LRRC20: variants seen among roughly 807,000 people sequenced by gnomAD.
LRRC20 encodes leucine-rich repeat-containing protein 20.
A neutral mutation model predicts 14.4 loss-of-function variants in LRRC20; 11 were observed. The ratio of observed to expected loss-of-function variants is 0.77; its 90% confidence interval spans 0.48 to 1.27. LRRC20 has a LOEUF of 1.27. Ranked by LOEUF, LRRC20 falls within the 50% of genes most tolerant of loss-of-function variation. The pLI, the probability that LRRC20 is intolerant of heterozygous loss-of-function variation, is 0.00. For synonymous variants in LRRC20, 121 were observed against 107.3 expected (o/e 1.13, Z -0.79); for missense variants, 219 against 251.2 (o/e 0.87, Z 0.87).
rs11314061 is a variant in LRRC20, at chr10:70,311,222, A to ATTTTTTTTTTTTTTTT, written c.401-9730_401-9715dup. 5.2e-4 allele frequency among the ~76,000 whole-genome samples: 45 copies of ATTTTTTTTTTTTTTTT among 86,342 alleles called. 5 individuals are homozygous for ATTTTTTTTTTTTTTTT. The highest frequency in any genetic ancestry group is 3.2e-3 in the East Asian group (8 of 2,506). 56.6% of individuals were successfully genotyped at this position (86,342 alleles called of 152,430 possible). On this transcript the variant is annotated intron_variant, in intron 4 of 4. Coordinates refer to ENST00000446961, the MANE Select transcript of LRRC20 (RefSeq NM_001278212.2). ...ACATCCAGGTTGTTTTCAACATTCC[A>ATTTTTTTTTTTTTTTT]TTTTTTTTTTTTTTTTTTTTTTTTG...
intron 2 of LRRC20, among the ~76,000 whole-genome samples, chr10:70,359,244 A>T (rs1467969223): frequency 1.3e-5 from 2 of 151,914 alleles, no homozygotes; most frequent in Non-Finnish European, 2.9e-5. Flanking sequence ...TTTCCATTAC[A>T]TCACTCTCCC....
chr10:70,366,292 A>G (rs1459878501), intron 2 of LRRC20, among the ~76,000 whole-genome samples: 2 of 151,518 alleles, frequency 1.3e-5, no homozygotes, highest in South Asian at 4.2e-4. Context: ...GCATGGTGGC[A>G]GGCGCCTGTA....
At chr10:70,321,059 G>A (rs1021661362) in intron 4 of LRRC20, among the ~76,000 whole-genome samples, 5 of 152,140 alleles carry the variant, frequency 3.3e-5, no homozygotes, top group Non-Finnish European at 7.4e-5. Context: ...TGATTCACTT[G>A]GGTCTTGTTT....
At chr10:70,323,174 C>A (rs888768333) in intron 4 of LRRC20, among the ~76,000 whole-genome samples, 2 of 152,008 alleles carry the variant, frequency 1.3e-5, no homozygotes, top group African/African-American at 4.8e-5. Flanking sequence ...CACAGAGACC[C>A]CACCCAGTGC....
intron 4 of LRRC20, among the ~76,000 whole-genome samples, chr10:70,313,313 G>A (rs1402832672): frequency 6.6e-6 from 1 of 152,172 alleles, no homozygotes; most frequent in Non-Finnish European, 1.5e-5. Flanking sequence ...TTTGGTTAAG[G>A]TGCTCTGGGA....
intron 4 of LRRC20, among the ~76,000 whole-genome samples, chr10:70,323,012 C>T (rs1485553245): frequency 1.3e-5 from 2 of 151,888 alleles, no homozygotes. Context: ...GGCATAATGG[C>T]TATAAAAGGG....
At chr10:70,315,498 G>A (rs1451039652) in intron 4 of LRRC20, among the ~76,000 whole-genome samples, 1 of 152,212 alleles carries the variant, frequency 6.6e-6, no homozygotes, top group Non-Finnish European at 1.5e-5. Context: ...TGTTCCTGTA[G>A]ATAGGATTTC....
intron 3 of LRRC20, among the ~76,000 whole-genome samples, chr10:70,328,899 C>A (rs1245975391): frequency 4.6e-5 from 7 of 152,204 alleles, no homozygotes; most frequent in African/African-American, 1.2e-4. Flanking sequence ...GCCTGGGCAA[C>A]AGAGTGAGAG....
Position 70,366,383 on chromosome 10 carries a change from A to T in LRRC20, c.82+10069T>A, listed in dbSNP as rs1470013711. 3.3e-5 allele frequency among the ~76,000 whole-genome samples: 5 copies of T among 152,132 alleles called. No individual in the cohort carries two copies. In the East Asian group the frequency reaches 9.6e-4, roughly 29 times the overall value. ...GGTTTCAGTGAGCTGAGATTGTGCCACTGTACTCCAGCCTGGGTGACAAGA... is the reference window on the plus strand; with the variant it reads ...GGTTTCAGTGAGCTGAGATTGTGCCTCTGTACTCCAGCCTGGGTGACAAGA... On this transcript the variant is annotated intron_variant, in intron 2 of 4. Transcript: ENST00000446961.
chr10:70,328,816 G>A (rs1842425022), intron 3 of LRRC20, among the ~76,000 whole-genome samples: 1 of 152,122 alleles, frequency 6.6e-6, no homozygotes, highest in South Asian at 2.1e-4. Context: ...TACTTGGGAG[G>A]CTGAGGCAGG....
chr10:70,319,780 T>C (rs528017869), intron 4 of LRRC20, among the ~76,000 whole-genome samples: 4 of 152,348 alleles, frequency 2.6e-5, no homozygotes, highest in Non-Finnish European at 4.4e-5. Context: ...CTATCTCATA[T>C]CCCAGAAACT....
intron 2 of LRRC20, among the ~76,000 whole-genome samples, chr10:70,359,919 C>CTTTTT (rs542983316): frequency 1.0e-3 from 146 of 141,634 alleles, no homozygotes; most frequent in African/African-American, 3.5e-3. Context: ...TTTTCTTTTT[C>CTTTTT]TTTTTTTTTT....
intron 2 of LRRC20, among the ~76,000 whole-genome samples, chr10:70,342,893 C>T (rs887483651): frequency 1.1e-4 from 16 of 152,194 alleles, no homozygotes; most frequent in African/African-American, 3.9e-4. Flanking sequence ...CTCTCAGAAA[C>T]TCTCATCTTT....
chr10:70,325,021 C>G (rs1310044379), intron 3 of LRRC20, among the ~76,000 whole-genome samples: 1 of 152,056 alleles, frequency 6.6e-6, no homozygotes, highest in Non-Finnish European at 1.5e-5. Flanking sequence ...GAGGTGAGGC[C>G]CCAGGGGCTG....
chr10:70,317,834 C>A (rs1378253207), intron 4 of LRRC20, among the ~76,000 whole-genome samples: 1 of 152,210 alleles, frequency 6.6e-6, no homozygotes, highest in African/African-American at 2.4e-5. Flanking sequence ...CCCTCCCTGG[C>A]AAGCTGGGAG....
chr10:70,314,609 G>T (rs1841789401), intron 4 of LRRC20, among the ~76,000 whole-genome samples: 1 of 151,870 alleles, frequency 6.6e-6, no homozygotes, highest in Non-Finnish European at 1.5e-5. Context: ...GATTTAATTG[G>T]CATAGGGTGT....
chr10:70,306,123 TC>T (rs1841413330), intron 4 of LRRC20, among the ~76,000 whole-genome samples: 3 of 151,452 alleles, frequency 2.0e-5, no homozygotes, highest in African/African-American at 7.3e-5. Context: ...TCTCTCTCTC[TC>T]TCTCCCCCAC....
chr10:70,334,638 C>A (rs929640036), intron 3 of LRRC20, among the ~76,000 whole-genome samples: 2 of 152,120 alleles, frequency 1.3e-5, no homozygotes, highest in African/African-American at 4.8e-5. Context: ...GAGGGACCCA[C>A]CCCGTCCTCA....
intron 2 of LRRC20, among the ~76,000 whole-genome samples, chr10:70,351,186 GAA>G (rs35179179): frequency 2.2e-4 from 33 of 148,572 alleles, no homozygotes; most frequent in Admixed American, 4.7e-4. Context: ...GTCTCAGAAA[GAA>G]AAAAAAAAAA....
Sources: gnomAD v4.1 joint callset for allele counts (sites outside exome capture counted in the v4.1 genomes callset) on GRCh38, gnomAD v4.1.1 for gene constraint, MANE v1.5 for transcripts, NCBI Gene and HGNC (gene_info 2026-07-23, HGNC 2026-07-21) for gene names.